The following RAB7A variants were observed in gnomAD, a reference collection of about 807,000 sequenced individuals.
The protein encoded by RAB7A is RAB7A, member RAS oncogene family.
Under a neutral mutation model 24.5 loss-of-function variants are expected in RAB7A, and 2 were observed. That is an observed-to-expected ratio of 0.08 (90% CI 0.03 to 0.26). The LOEUF is 0.26. Ranked by LOEUF, RAB7A falls within the 10% of genes least tolerant of loss-of-function variation. The probability of loss-of-function intolerance (pLI) is 1.00; values close to 1 mark genes in which losing one functional copy is unlikely to be tolerated. For synonymous variants in RAB7A, 100 were observed against 95.9 expected, an observed-to-expected ratio of 1.04 and a Z score of -0.25; for missense variants, 118 against 255.7, an observed-to-expected ratio of 0.46 and a Z score of 3.67.
chr3:128,807,821 C>T (rs1933837812), intron 5 of RAB7A, 150 bp downstream of exon 5: 1 of 1,208,164 alleles, frequency 8.3e-7, no homozygotes, highest in Admixed American at 1.9e-5. Flanking sequence ...AAGGTTATGA[C>T]ATGTTCTGCT....
intron 1 of RAB7A, among the ~76,000 whole-genome samples, chr3:128,766,124 G>A (rs2070829004): frequency 6.6e-6 from 1 of 152,092 alleles, no homozygotes; most frequent in East Asian, 1.9e-4. Flanking sequence ...TTTTGCAGGG[G>A]CATTAACATT....
At chr3:128,798,821 TAAAAAAAAAA>T (rs56925997) in intron 3 of RAB7A, 2 of 150,592 alleles carry the variant, frequency 1.3e-5, no homozygotes, top group Admixed American at 9.4e-5. Context: ...TCTCTAAATT[TAAAAAAAAAA>T]AAAAAAAAAA....
chr3:128,729,122 A>AT (rs201912730), intron 1 of RAB7A, among the ~76,000 whole-genome samples: 5 of 151,956 alleles, frequency 3.3e-5, no homozygotes, highest in South Asian at 2.1e-4. Context: ...ACTTGGGGCA[A>AT]TTTTTTTTAA....
chr3:128,742,289 T>C (rs1019501371), intron 1 of RAB7A, among the ~76,000 whole-genome samples: 9 of 152,132 alleles, frequency 5.9e-5, no homozygotes, highest in Non-Finnish European at 8.8e-5. Flanking sequence ...GTGAGTGTTA[T>C]AGCTCATAAA....
At chr3:128,748,020 T>A (rs1036537784) in intron 1 of RAB7A, among the ~76,000 whole-genome samples, 1 of 152,142 alleles carries the variant, frequency 6.6e-6, no homozygotes, top group African/African-American at 2.4e-5. Context: ...CACCCACCTC[T>A]GCCTCCCAAA....
intron 2 of RAB7A, among the ~76,000 whole-genome samples, chr3:128,795,654 A>T (rs1237726075): frequency 1.3e-5 from 2 of 151,304 alleles, no homozygotes; most frequent in East Asian, 3.9e-4. Flanking sequence ...AACTAAGGAT[A>T]GGCATTTTCA....
At chr3:128,773,668 A>G (rs115284166) in intron 1 of RAB7A, among the ~76,000 whole-genome samples, 6,306 of 152,328 alleles carry the variant, frequency 0.041, 179 homozygotes, top group Non-Finnish European at 0.058. Context: ...AGGTGGGGAA[A>G]AGATAGCGAA....
intron 5 of RAB7A, among the ~76,000 whole-genome samples, chr3:128,812,130 T>C (rs1334889529): frequency 1.3e-5 from 2 of 152,196 alleles, no homozygotes; most frequent in African/African-American, 4.8e-5. Flanking sequence ...GTACACTTCA[T>C]GGCATGTGAG....
chr3:128,734,766 G>A (rs1379640545), intron 1 of RAB7A, among the ~76,000 whole-genome samples: 3 of 152,112 alleles, frequency 2.0e-5, no homozygotes, highest in African/African-American at 7.2e-5. Context: ...AGATATTAGT[G>A]GGCCTTTCAC....
chr3:128,749,604 C>A (rs138473537), intron 1 of RAB7A: 1 of 152,164 alleles, frequency 6.6e-6, no homozygotes, highest in Non-Finnish European at 1.5e-5. Context: ...TGGGAGGGAC[C>A]CGGTGGGAGG....
At chr3:128,807,500 T>A in intron 4 of RAB7A, 43 bp from the exon 5 acceptor site, 1 of 1,612,908 alleles carries the variant, frequency 6.2e-7, no homozygotes, top group Non-Finnish European at 8.5e-7. Context: ...CAGTGCTGGC[T>A]GCTTCTGTCA....
At chr3:128,800,986 T>A (rs1479966918) in intron 3 of RAB7A, among the ~76,000 whole-genome samples, 1 of 152,210 alleles carries the variant, frequency 6.6e-6, no homozygotes, top group Non-Finnish European at 1.5e-5. Flanking sequence ...TCTTGAGGAA[T>A]CCTCATGTGT....
intron 1 of RAB7A, among the ~76,000 whole-genome samples, chr3:128,771,268 G>A (rs1452612271): frequency 1.3e-5 from 2 of 152,196 alleles, no homozygotes. Context: ...ACTGGGCCCA[G>A]CCTACAATTT....
intron 1 of RAB7A, among the ~76,000 whole-genome samples, chr3:128,763,429 G>C (rs1012794167): frequency 6.6e-6 from 1 of 151,806 alleles, no homozygotes; most frequent in African/African-American, 2.4e-5. Flanking sequence ...CTGTTAGCCA[G>C]GATGGTCTCG....
chr3:128,801,349 A>G (rs530971146), intron 3 of RAB7A, among the ~76,000 whole-genome samples: 3 of 152,376 alleles, frequency 2.0e-5, no homozygotes, highest in African/African-American at 7.2e-5. Flanking sequence ...GAATTTACTA[A>G]GAGGATCTTA....
At chr3:128,778,263 G>GT (rs1933139832) in intron 1 of RAB7A, among the ~76,000 whole-genome samples, 1 of 152,150 alleles carries the variant, frequency 6.6e-6, no homozygotes, top group Non-Finnish European at 1.5e-5. Flanking sequence ...GCTAGTAACT[G>GT]TTACATTGGA....
chr3:128,803,024 G>T (rs1483190938), intron 3 of RAB7A, among the ~76,000 whole-genome samples: 1 of 152,062 alleles, frequency 6.6e-6, no homozygotes, highest in African/African-American at 2.4e-5. Flanking sequence ...TGGCCAGGCT[G>T]GTCTCGAACT....
At chr3:128,779,839 C>T (rs967387722) in intron 1 of RAB7A, among the ~76,000 whole-genome samples, 4 of 152,210 alleles carry the variant, frequency 2.6e-5, no homozygotes, top group Non-Finnish European at 5.9e-5. Context: ...GTTGGGATTA[C>T]AGGTGTGCCA....
At chr3:128,757,775 C>T (rs1408049898) in intron 1 of RAB7A, among the ~76,000 whole-genome samples, 3 of 152,098 alleles carry the variant, frequency 2.0e-5, no homozygotes, top group Non-Finnish European at 2.9e-5. Flanking sequence ...GCCTCAGCCT[C>T]CCAGAGTGCT....
Sources: gnomAD v4.1 joint callset for allele counts (sites outside exome capture counted in the v4.1 genomes callset) on GRCh38, gnomAD v4.1.1 for gene constraint, MANE v1.5 for transcripts, NCBI Gene and HGNC (gene_info 2026-07-23, HGNC 2026-07-21) for gene names.